The following ZFP1 variants were observed in gnomAD, a reference collection of about 807,000 sequenced individuals.
ZFP1 encodes zinc finger protein 1 homolog.
A neutral mutation model predicts 38.5 loss-of-function variants in ZFP1; 32 were observed. That is an observed-to-expected ratio of 0.83 (90% CI 0.63 to 1.12). The LOEUF (loss-of-function observed/expected upper bound fraction) is 1.12. Ranked by LOEUF, ZFP1 falls within the 50% of genes most tolerant of loss-of-function variation. The pLI is 0.00. For synonymous variants in ZFP1, 245 were observed against 168.8 expected (o/e 1.45, Z -3.50); for missense variants, 616 against 480.8 (o/e 1.28, Z -2.63).
At chr16:75,140,974 T>C in the ZFP1 span, among the ~76,000 whole-genome samples, 2 of 151,678 alleles carry the variant, frequency 1.3e-5, no homozygotes, top group South Asian at 2.1e-4. Context: ...AACACAACAC[T>C]TGGGAGAAAA....
chr16:75,119,233 G>A, the ZFP1 span, among the ~76,000 whole-genome samples: 4 of 152,198 alleles, frequency 2.6e-5, no homozygotes, highest in East Asian at 1.9e-4. Context: ...GACTGGAGGC[G>A]CCCCTGACCT....
At chr16:75,154,578 T>C (rs1454090162) in intron 2 of ZFP1, among the ~76,000 whole-genome samples, 1 of 150,536 alleles carries the variant, frequency 6.6e-6, no homozygotes, top group Admixed American at 6.6e-5. Flanking sequence ...TGAGAGTTTT[T>C]TTTTTTTTTT....
At chr16:75,142,583 T>G in the ZFP1 span, among the ~76,000 whole-genome samples, 1 of 152,188 alleles carries the variant, frequency 6.6e-6, no homozygotes, top group Non-Finnish European at 1.5e-5. Flanking sequence ...TTCATAATAT[T>G]TCTCTTGCTC....
At chr16:75,167,729 C>T (rs568753158) in intron 3 of ZFP1, among the ~76,000 whole-genome samples, 2 of 152,222 alleles carry the variant, frequency 1.3e-5, no homozygotes, top group South Asian at 4.2e-4. Context: ...CCTGGAGTAG[C>T]TGGGATCACA....
At chr16:75,148,027 C>A (rs1392715462), upstream of ZFP1, among the ~76,000 whole-genome samples, 1 of 151,878 alleles carries the variant, frequency 6.6e-6, no homozygotes, top group African/African-American at 2.4e-5. Flanking sequence ...TAGATCTCAA[C>A]AAATATATAT....
At chr16:75,145,588 G>A (rs529253382), upstream of ZFP1, among the ~76,000 whole-genome samples, 13 of 152,294 alleles carry the variant, frequency 8.5e-5, no homozygotes, top group East Asian at 2.5e-3. Context: ...CAGCAGAGGG[G>A]CAGAGGGGCA....
At chr16:75,146,047 A>C (rs951582826), upstream of ZFP1, among the ~76,000 whole-genome samples, 3 of 152,148 alleles carry the variant, frequency 2.0e-5, no homozygotes, top group Non-Finnish European at 4.4e-5. Flanking sequence ...CCCTCCCATA[A>C]GGGGTTTTAG....
chr16:75,166,995 G>C, intron 3 of ZFP1, 99 bp downstream of exon 3: 1 of 1,522,730 alleles, frequency 6.6e-7, no homozygotes, highest in Non-Finnish European at 8.8e-7. Flanking sequence ...AAATGTTTTT[G>C]GCCTAAGTCC....
At position 75,169,351 on chromosome 16, in the gene ZFP1, G is replaced by C; in HGVS notation, c.241G>C (p.Glu81Gln). The C allele has an allele frequency of 6.2e-7, 1 of 1,614,120 alleles. No individual in the cohort carries two copies. Among genetic ancestry groups the C allele is most frequent in the Non-Finnish European group, 8.5e-7 (1 of 1,180,020 alleles). ...LILKNQTPIE[E>Q]RGDLFGKALN... ...TCTTAAGAACCAAACCCCAATTGAG[G>C]AAAGAGGCGATCTCTTTGGAAAAGC... Residue 81 changes from glutamate (E) to glutamine (Q), a missense_variant, in exon 4 of 4, where the codon GAA becomes CAA. Physicochemically the swap from Glu to Gln is conservative, Grantham distance 29. Coordinates refer to ENST00000570010, the MANE Select transcript of ZFP1 (RefSeq NM_153688.4).
At chr16:75,150,885 T>C (rs1260365611) in intron 1 of ZFP1, among the ~76,000 whole-genome samples, 1 of 152,170 alleles carries the variant, frequency 6.6e-6, no homozygotes, top group Non-Finnish European at 1.5e-5. Flanking sequence ...AGTGCAGTGG[T>C]TCAGTCACAG....
At chr16:75,124,205 C>G in the ZFP1 span, among the ~76,000 whole-genome samples, 3 of 150,900 alleles carry the variant, frequency 2.0e-5, no homozygotes, top group East Asian at 2.1e-4. Flanking sequence ...CTCTGTTGCC[C>G]AGGCTGGAGT....
Position 75,170,555 on chromosome 16 carries a change from C to T in ZFP1, c.*221C>T, listed in dbSNP as rs2038369855. On this transcript the variant is annotated 3_prime_UTR_variant, in exon 4 of 4. Coordinates refer to ENST00000570010, the MANE Select transcript of ZFP1 (RefSeq NM_153688.4). ...TCAGAATATATCCAGTTGTAAATAG[C>T]CATACCCAGTTGTACTACAATGAGC... 3.5e-6 allele frequency: 2 copies of T among 569,370 alleles called. No individual in the cohort carries two copies. Among genetic ancestry groups the T allele is most frequent in the Non-Finnish European group, 5.4e-6 (2 of 370,786 alleles). The allele number at this position is 569,370 out of a possible 1,614,324, so 35.3% of individuals were successfully genotyped here.
chr16:75,135,335 C>T, the ZFP1 span, among the ~76,000 whole-genome samples: 16 of 145,490 alleles, frequency 1.1e-4, no homozygotes, highest in African/African-American at 1.8e-4. Context: ...CAAAGAAGAA[C>T]CTTAACACAA....
At chr16:75,139,356 G>A in the ZFP1 span, among the ~76,000 whole-genome samples, 3 of 111,022 alleles carry the variant, frequency 2.7e-5, no homozygotes, top group African/African-American at 3.7e-5. Context: ...GCGATAGAGC[G>A]AGACTCCATC....
intron 2 of ZFP1, among the ~76,000 whole-genome samples, chr16:75,160,105 A>G (rs1488628374): frequency 6.6e-6 from 1 of 152,220 alleles, no homozygotes; most frequent in Non-Finnish European, 1.5e-5. Context: ...GAACTAGCCA[A>G]AGATTTGAGG....
chr16:75,152,840 A>G (rs1259853943), intron 1 of ZFP1, 69 bp from the exon 2 acceptor site: 21 of 1,446,568 alleles, frequency 1.5e-5, no homozygotes, highest in Non-Finnish European at 1.9e-5. Context: ...TTTCTAAACA[A>G]GTCATTCTAG....
the ZFP1 span, among the ~76,000 whole-genome samples, chr16:75,133,344 G>C: frequency 1.3e-5 from 2 of 152,032 alleles, no homozygotes; most frequent in Admixed American, 6.6e-5. Context: ...ATGTCATGGG[G>C]GTTTGCTGTA....
chr16:75,146,815 C>T (rs1213867281), upstream of ZFP1, among the ~76,000 whole-genome samples: 1 of 151,876 alleles, frequency 6.6e-6, no homozygotes, highest in Non-Finnish European at 1.5e-5. Flanking sequence ...CTGTGTATGC[C>T]TGTAGTTTTA....
At chr16:75,166,011 A>T (rs942686112) in intron 2 of ZFP1, among the ~76,000 whole-genome samples, 27 of 152,256 alleles carry the variant, frequency 1.8e-4, no homozygotes, top group African/African-American at 3.4e-4. Context: ...TTTTAAAAAA[A>T]TTTTCTACCA....
Sources: gnomAD v4.1 joint callset for allele counts (sites outside exome capture counted in the v4.1 genomes callset) on GRCh38, gnomAD v4.1.1 for gene constraint, MANE v1.5 for transcripts, NCBI Gene and HGNC (gene_info 2026-07-23, HGNC 2026-07-21) for gene names.